The following KAZN variants were observed in gnomAD, a reference collection of about 807,000 sequenced individuals.
KAZN encodes the protein kazrin, periplakin interacting protein.
KAZN carries 40 observed loss-of-function variants against 87.4 expected under a neutral mutation model. That is an observed-to-expected ratio of 0.46 (90% CI 0.36 to 0.60). The LOEUF is 0.60. KAZN is among the 20% of genes least tolerant of loss of function. The probability of loss-of-function intolerance (pLI) is 0.00; values close to 1 mark genes in which losing one functional copy is unlikely to be tolerated. For synonymous variants in KAZN, 466 were observed against 458.3 expected (o/e 1.02, Z -0.22); for missense variants, 898 against 1,073.9 (o/e 0.84, Z 2.29).
chr1:14,251,235 A>G (rs7412716), intron 2 of KAZN, among the ~76,000 whole-genome samples: 19,449 of 152,142 alleles, frequency 0.13, 2,687 homozygotes, highest in African/African-American at 0.33. Flanking sequence ...TGTGACCACC[A>G]TCACTTCTCT....
At chr1:14,282,014 A>G (rs74057147) in intron 2 of KAZN, among the ~76,000 whole-genome samples, 6,240 of 152,288 alleles carry the variant, frequency 0.041, 443 homozygotes, top group African/African-American at 0.14. Context: ...TCAGTGGATC[A>G]GCTTAATTCT....
At chr1:15,001,866 A>C (rs1668512343) in intron 2 of KAZN, among the ~76,000 whole-genome samples, 1 of 146,104 alleles carries the variant, frequency 6.8e-6, no homozygotes, top group Non-Finnish European at 1.5e-5. Flanking sequence ...CACAAAGTCA[A>C]AATCTTTTTT....
At chr1:14,540,423 T>G (rs901615856) in intron 2 of KAZN, among the ~76,000 whole-genome samples, 1 of 152,182 alleles carries the variant, frequency 6.6e-6, no homozygotes, top group South Asian at 2.1e-4. Context: ...CTCCCTTGTT[T>G]ATGGACTGTA....
chr1:14,604,379 T>G (rs995654363), intron 1 of KAZN, among the ~76,000 whole-genome samples: 8 of 152,052 alleles, frequency 5.3e-5, no homozygotes, highest in African/African-American at 1.9e-4. Flanking sequence ...CTGTCACCAC[T>G]CTCCAGTTCC....
intron 1 of KAZN, among the ~76,000 whole-genome samples, chr1:14,918,694 AAAAAAAAAAAAAAATATATATATATATAT>A (rs1182755071): frequency 8.1e-4 from 14 of 17,302 alleles, no homozygotes; most frequent in African/African-American, 2.5e-3. Flanking sequence ...AAAAAAAAAA[AAAAAAAAAAAAAAATATATATATATATAT>A]ATATATATAT....
chr1:14,598,458 G>A (rs1344322336), upstream of KAZN, among the ~76,000 whole-genome samples: 5 of 152,124 alleles, frequency 3.3e-5, no homozygotes, highest in Admixed American at 3.3e-4. The surrounding 1 kb of genome is among the most constrained non-coding windows in gnomAD (Gnocchi z 4.2). Context: ...TCAAGGGAGG[G>A]GACAGAGGGC....
chr1:14,141,065 A>G (rs1645224442), intron 1 of KAZN, among the ~76,000 whole-genome samples: 2 of 151,888 alleles, frequency 1.3e-5, no homozygotes, highest in Admixed American at 1.3e-4. Flanking sequence ...CACGCTGCCA[A>G]AAGCTTTCCT....
At chr1:13,903,381 G>A (rs116512749) in intron 1 of KAZN, among the ~76,000 whole-genome samples, 216 of 152,228 alleles carry the variant, frequency 1.4e-3, no homozygotes, top group African/African-American at 5.0e-3. Context: ...CGTTTTTGTC[G>A]GCCCTTTATA....
At chr1:15,102,486 G>T (rs985168228) in intron 11 of KAZN, among the ~76,000 whole-genome samples, 2 of 152,158 alleles carry the variant, frequency 1.3e-5, no homozygotes, top group African/African-American at 4.8e-5. Context: ...GGGAGGTGGT[G>T]GGGGGTTGCT....
intron 1 of KAZN, among the ~76,000 whole-genome samples, chr1:14,857,291 G>T (rs1318435588): frequency 1.3e-5 from 2 of 152,184 alleles, no homozygotes; most frequent in African/African-American, 4.8e-5. Flanking sequence ...TTGGGAGGCT[G>T]AGGTGGGAGG....
chr1:14,883,405 A>AAGAAAGAAAGAAAG lies in KAZN; in HGVS notation c.227-77277_227-77264dup, dbSNP rs1553150699. On this transcript the variant is annotated intron_variant, in intron 1 of 14. Coordinates refer to ENST00000376030, the MANE Select transcript of KAZN (RefSeq NM_201628.3). ...AAAGAAAGAAAGAAAGAAAGAAAGA[A>AAGAAAGAAAGAAAG]AGAAAGAAAGAAAGAAAGAAAAGCG... 1.6e-3 allele frequency among the ~76,000 whole-genome samples: 228 copies of AAGAAAGAAAGAAAG among 144,448 alleles called. 10 individuals carry two copies. The highest frequency in any genetic ancestry group is 5.5e-3 in the African/African-American group (200 of 36,338). The allele number at this position is 144,448 out of a possible 152,430, so 94.8% of individuals were successfully genotyped here.
At chr1:14,466,744 A>T (rs55681928) in intron 2 of KAZN, among the ~76,000 whole-genome samples, 2 of 151,736 alleles carry the variant, frequency 1.3e-5, no homozygotes, top group Non-Finnish European at 2.9e-5. Context: ...CGAGGTGGGC[A>T]GATCACGAAG....
intron 8 of KAZN, among the ~76,000 whole-genome samples, chr1:15,090,889 T>C (rs956844258): frequency 6.6e-6 from 1 of 151,990 alleles, no homozygotes; most frequent in Non-Finnish European, 1.5e-5. Flanking sequence ...CAGGTTTTGG[T>C]GGAGATGGGG....
intron 13 of KAZN, among the ~76,000 whole-genome samples, chr1:15,110,549 T>TGTGTGTGTGTGTG (rs1641564311): frequency 1.4e-5 from 2 of 148,078 alleles, no homozygotes; most frequent in African/African-American, 2.6e-5. Flanking sequence ...GCATATGTGT[T>TGTGTGTGTGTGTG]TGTGTGTGTG....
In KAZN at chr1:14,311,351, CATTCAAT is replaced by C. The variant is rs142687562; in HGVS notation, c.249+130760_249+130766del. Among the ~76,000 whole-genome samples, 893 of 152,278 alleles carry C rather than the reference CATTCAAT, an allele frequency of 5.9e-3. 8 individuals are homozygous for C. The highest frequency in any genetic ancestry group is 0.02 in the African/African-American group (827 of 41,554). ...AATTACTTTGTGGAGTCATTGGGATCATTCAATGAGAGGATGATATAAAGCTTTATCT... is the reference window on the plus strand; with the variant it reads ...AATTACTTTGTGGAGTCATTGGGATCGAGAGGATGATATAAAGCTTTATCT... On this transcript the variant is annotated intron_variant, in intron 2 of 16. Transcript: ENST00000636203.
At chr1:14,635,007 C>A (rs148131801) in intron 1 of KAZN, among the ~76,000 whole-genome samples, 29 of 152,152 alleles carry the variant, frequency 1.9e-4, no homozygotes, top group Non-Finnish European at 4.1e-4. Flanking sequence ...CAGCAAATGT[C>A]ATTTTCCCCG....
At chr1:14,880,350 T>C (rs996191863) in intron 1 of KAZN, among the ~76,000 whole-genome samples, 2 of 152,158 alleles carry the variant, frequency 1.3e-5, no homozygotes, top group Non-Finnish European at 1.5e-5. Flanking sequence ...AGGAAAAGTA[T>C]GTAGTAATTA....
intron 2 of KAZN, among the ~76,000 whole-genome samples, chr1:14,358,894 T>C (rs1659265337): frequency 6.6e-6 from 1 of 152,210 alleles, no homozygotes; most frequent in Admixed American, 6.5e-5. Flanking sequence ...GAAAAAAATG[T>C]AGATTCTTTT....
At chr1:14,046,127 A>T (rs933224462) in intron 1 of KAZN, among the ~76,000 whole-genome samples, 2 of 152,196 alleles carry the variant, frequency 1.3e-5, no homozygotes, top group Non-Finnish European at 2.9e-5. Flanking sequence ...TTGATAAAAA[A>T]TTTAATAGGA....
Sources: gnomAD v4.1 joint callset for allele counts (sites outside exome capture counted in the v4.1 genomes callset) on GRCh38, gnomAD v4.1.1 for gene constraint, Gnocchi (gnomAD v3.1) non-coding constraint, MANE v1.5 for transcripts, NCBI Gene and HGNC (gene_info 2026-07-23, HGNC 2026-07-21) for gene names.